Variants in NUP210L observed in about 807,000 individuals in gnomAD.
NUP210L encodes nucleoporin 210 like.
In NUP210L, 74 loss-of-function variants were observed where a neutral mutation model predicts 208.5. That is an observed-to-expected ratio of 0.35 (90% confidence interval 0.29 to 0.43). NUP210L has a LOEUF of 0.43. Ranked by LOEUF, NUP210L falls within the 20% of genes least tolerant of loss-of-function variation. The pLI is 1.00. For missense variants in NUP210L, 1,843 were observed against 2,289.4 expected, an observed-to-expected ratio of 0.81 and a Z score of 3.98; for synonymous variants, 780 against 816.9, an observed-to-expected ratio of 0.95 and a Z score of 0.77.
At chr1:154,016,304 A>G (rs1651244084) in intron 33 of NUP210L, among the ~76,000 whole-genome samples, 1 of 152,096 alleles carries the variant, frequency 6.6e-6, no homozygotes, top group Non-Finnish European at 1.5e-5. Context: ...TAGATACACA[A>G]AAAGTTGTAG....
intron 1 of NUP210L, among the ~76,000 whole-genome samples, chr1:154,154,639 G>A (rs531810483): frequency 5.3e-5 from 8 of 152,214 alleles, no homozygotes; most frequent in African/African-American, 1.9e-4. Context: ...CACAGCTGGA[G>A]GATATACCAC....
intron 16 of NUP210L, among the ~76,000 whole-genome samples, chr1:154,082,377 T>C (rs1202840346): frequency 1.3e-5 from 2 of 152,164 alleles, no homozygotes; most frequent in African/African-American, 4.8e-5. Flanking sequence ...GATGTAACAA[T>C]TGTAAATGCG....
intron 16 of NUP210L, among the ~76,000 whole-genome samples, chr1:154,078,005 T>C (rs1273566183): frequency 6.6e-6 from 1 of 151,308 alleles, no homozygotes; most frequent in Non-Finnish European, 1.5e-5. Flanking sequence ...GAAAAAAATA[T>C]TTATAAAGTA....
chr1:154,077,477 A>T (rs908001718), intron 16 of NUP210L, among the ~76,000 whole-genome samples: 1 of 152,196 alleles, frequency 6.6e-6, no homozygotes, highest in Non-Finnish European at 1.5e-5. Context: ...AGACATTCTA[A>T]GATCCAACAA....
chr1:154,091,011 T>C (rs1387475995), intron 15 of NUP210L, among the ~76,000 whole-genome samples: 1 of 151,152 alleles, frequency 6.6e-6, no homozygotes, highest in East Asian at 1.9e-4. Flanking sequence ...CCAAAACAAT[T>C]AAAAAGCAGG....
intron 38 of NUP210L, among the ~76,000 whole-genome samples, chr1:153,993,590 A>G (rs1649616401): frequency 6.7e-6 from 1 of 149,288 alleles, no homozygotes; most frequent in South Asian, 2.1e-4. Context: ...AAGTGGGGAA[A>G]TGGAGTAGAC....
chr1:154,014,222 G>A (rs1048439991), intron 33 of NUP210L, among the ~76,000 whole-genome samples: 8 of 152,142 alleles, frequency 5.3e-5, no homozygotes, highest in African/African-American at 1.9e-4. Flanking sequence ...CTGGAGGCCA[G>A]CACAATGCCT....
rs569085046 is a variant in NUP210L at position 154,054,669 on chromosome 1, G to C, written c.3303+101C>G. 946 of 905,116 alleles carry C rather than the reference G, an allele frequency of 1.0e-3. 10 individuals are homozygous for C. The South Asian group carries it at 0.013, about 12-fold the overall frequency. The allele number at this position is 905,116 out of a possible 1,614,324, so 56.1% of individuals were successfully genotyped here. On this transcript the variant is annotated intron_variant, in intron 24 of 39. Coordinates refer to ENST00000368559, the Ensembl canonical transcript of NUP210L. ...ATCAGATCCACTAGTACTTGGGTGA[G>C]AGTAAATAAGAGATCAATAGGAAGA...
At chr1:154,152,895 A>G in intron 1 of NUP210L, 23 bp from the exon 2 acceptor site, 1 of 1,610,820 alleles carries the variant, frequency 6.2e-7, no homozygotes, top group Non-Finnish European at 8.5e-7. Flanking sequence ...AATTCTTAAG[A>G]GTGTGAAATA....
At chr1:154,101,301 C>A (rs1384301477) in intron 13 of NUP210L, among the ~76,000 whole-genome samples, 1 of 151,426 alleles carries the variant, frequency 6.6e-6, no homozygotes, top group African/African-American at 2.4e-5. Flanking sequence ...TATGGTGAAA[C>A]CCCGTCTCTA....
At chr1:154,072,387 C>A (rs1173243239) in intron 16 of NUP210L, among the ~76,000 whole-genome samples, 1 of 125,070 alleles carries the variant, frequency 8.0e-6, no homozygotes, top group Non-Finnish European at 1.6e-5. Flanking sequence ...GGCTAGAGTG[C>A]AGTGGTGAGA....
intron 27 of NUP210L, among the ~76,000 whole-genome samples, chr1:154,038,342 T>C (rs1430012798): frequency 6.0e-5 from 9 of 150,554 alleles, no homozygotes; most frequent in East Asian, 1.9e-4. Flanking sequence ...TTTTTCTTTT[T>C]TTTTTTTTTT....
At chr1:154,049,352 G>C (rs1476761243) in intron 25 of NUP210L, among the ~76,000 whole-genome samples, 1 of 152,130 alleles carries the variant, frequency 6.6e-6, no homozygotes, top group Non-Finnish European at 1.5e-5. Context: ...GTCAACATAT[G>C]ATGCATGAAA....
chr1:154,090,351 G>A (rs894326450), intron 15 of NUP210L, among the ~76,000 whole-genome samples: 3 of 152,102 alleles, frequency 2.0e-5, no homozygotes, highest in Non-Finnish European at 2.9e-5. Flanking sequence ...AATGAATAAC[G>A]GAATGTGGAA....
chr1:154,107,094 G>C (rs543355678), intron 12 of NUP210L, among the ~76,000 whole-genome samples: 1 of 152,224 alleles, frequency 6.6e-6, no homozygotes, highest in South Asian at 2.1e-4. Flanking sequence ...CAGCTGTTTT[G>C]CATAAGTTCA....
At chr1:154,030,811 G>A (rs915059224) in intron 27 of NUP210L, among the ~76,000 whole-genome samples, 1 of 151,046 alleles carries the variant, frequency 6.6e-6, no homozygotes, top group African/African-American at 2.4e-5. Flanking sequence ...GGCTTCCTGT[G>A]GCCTTGACCT....
exon 40 of NUP210L, chr1:153,992,806 CAG>C (rs1649538342): frequency 7.0e-7 from 1 of 1,438,360 alleles, no homozygotes; most frequent in South Asian, 1.2e-5. Flanking sequence ...CATTCCCCTG[CAG>C]TTAAGAGAAA....
chr1:154,027,080 C>CAAAAAAAAAAAAAAA (rs59626984), intron 29 of NUP210L, among the ~76,000 whole-genome samples: 22 of 101,744 alleles, frequency 2.2e-4, no homozygotes, highest in East Asian at 8.7e-4. Flanking sequence ...GAGACTGTCT[C>CAAAAAAAAAAAAAAA]AAAAAAAAAA....
At chr1:154,126,521 T>C in intron 9 of NUP210L, 58 bp from the exon 10 acceptor site, 3 of 1,447,068 alleles carry the variant, frequency 2.1e-6, no homozygotes, top group Non-Finnish European at 2.8e-6. Context: ...CCTGAAGTCA[T>C]CTTAATCCCA....
Sources: gnomAD v4.1 joint callset for allele counts (sites outside exome capture counted in the v4.1 genomes callset) on GRCh38, gnomAD v4.1.1 for gene constraint, MANE v1.5 for transcripts, NCBI Gene and HGNC (gene_info 2026-07-23, HGNC 2026-07-21) for gene names.